Variants in PRICKLE1 observed in about 807,000 individuals in gnomAD.
PRICKLE1 encodes the protein prickle-like protein 1.
In PRICKLE1, 14 loss-of-function variants were observed where a neutral mutation model predicts 70.2. The observed-to-expected ratio is 0.20, with a 90% CI of 0.13 to 0.31. PRICKLE1 has a LOEUF of 0.31. Ranked by LOEUF, PRICKLE1 falls within the 10% of genes least tolerant of loss-of-function variation. The pLI is 1.00. For missense variants in PRICKLE1, 821 were observed against 1,026.2 expected, an observed-to-expected ratio of 0.80 and a Z score of 2.73; for synonymous variants, 357 against 379.9, an observed-to-expected ratio of 0.94 and a Z score of 0.70.
At chr12:42,525,339 T>A (rs1167261572) in intron 1 of PRICKLE1, among the ~76,000 whole-genome samples, 4 of 152,182 alleles carry the variant, frequency 2.6e-5, no homozygotes, top group Non-Finnish European at 4.4e-5. Flanking sequence ...AGTAAGTCAG[T>A]CTTTTCCTGA....
intron 1 of PRICKLE1, among the ~76,000 whole-genome samples, chr12:42,482,432 T>C (rs536342318): frequency 1.3e-5 from 2 of 152,332 alleles, no homozygotes; most frequent in South Asian, 4.1e-4. Context: ...GATGCAGATA[T>C]TTTCTCAAAA....
chr12:42,525,630 T>C (rs2897538), intron 1 of PRICKLE1, among the ~76,000 whole-genome samples: 82,543 of 151,928 alleles, frequency 0.54, 22,898 homozygotes, highest in Admixed American at 0.67. Context: ...GGGAGAAATT[T>C]CCACACACTT....
chr12:42,564,199 T>G (rs1159356292), intron 1 of PRICKLE1, among the ~76,000 whole-genome samples: 2 of 128,986 alleles, frequency 1.6e-5, no homozygotes, highest in African/African-American at 6.0e-5. Context: ...GAGGTTGCAG[T>G]GAGCCAAGAT....
At position 42,464,374 on chromosome 12, in the gene PRICKLE1, C is replaced by T. The variant is rs754863068; in HGVS notation, c.1639+21G>A. On this transcript the variant is annotated intron_variant, in intron 7 of 7. Transcript: ENST00000345127. The surrounding 1 kb of genome is among the most constrained non-coding windows in gnomAD (Gnocchi z 4.2). ...TAGTAGCTCCTTTTTTCAAATACCC[C>T]ATAATCCCTAGATTACGTACCTGTG... 1.2e-6 allele frequency: 2 copies of T among 1,613,984 alleles called. No individual in the cohort carries two copies. Among genetic ancestry groups the T allele is most frequent in the South Asian group, 2.2e-5 (2 of 91,020 alleles).
intron 1 of PRICKLE1, among the ~76,000 whole-genome samples, chr12:42,553,941 A>G (rs1016782337): frequency 6.6e-6 from 1 of 152,122 alleles, no homozygotes; most frequent in Non-Finnish European, 1.5e-5. Flanking sequence ...CATCTCTACT[A>G]AAACATGTAA....
At chr12:42,503,113 AT>A (rs1939344014) in intron 1 of PRICKLE1, among the ~76,000 whole-genome samples, 1 of 152,198 alleles carries the variant, frequency 6.6e-6, no homozygotes, top group Non-Finnish European at 1.5e-5. Flanking sequence ...CAATCTGAAT[AT>A]TTTCACCTAG....
At chr12:42,588,172 G>A (rs530106176) in intron 1 of PRICKLE1, among the ~76,000 whole-genome samples, 4 of 151,862 alleles carry the variant, frequency 2.6e-5, no homozygotes, top group East Asian at 3.9e-4. Flanking sequence ...GCCGGACTAC[G>A]GCAAACATTA....
intron 1 of PRICKLE1, among the ~76,000 whole-genome samples, chr12:42,500,185 G>A (rs1939280533): frequency 6.6e-6 from 1 of 152,160 alleles, no homozygotes; most frequent in Non-Finnish European, 1.5e-5. Context: ...ACAGCACAAA[G>A]GCCAAAACAT....
intron 1 of PRICKLE1, among the ~76,000 whole-genome samples, chr12:42,573,144 G>A (rs895616545): frequency 1.3e-5 from 2 of 152,112 alleles, no homozygotes; most frequent in African/African-American, 2.4e-5. Flanking sequence ...AACATTTAAC[G>A]GCTAAATAAA....
At chr12:42,465,806 T>C (rs927445150) in intron 6 of PRICKLE1, 6 of 337,668 alleles carry the variant, frequency 1.8e-5, no homozygotes, top group Non-Finnish European at 3.4e-5. Context: ...GAGTTCAATA[T>C]TAATGCATCA....
intron 1 of PRICKLE1, among the ~76,000 whole-genome samples, chr12:42,509,347 A>C (rs1203786747): frequency 6.6e-6 from 1 of 152,220 alleles, no homozygotes; most frequent in Non-Finnish European, 1.5e-5. Flanking sequence ...TGAATATAAA[A>C]CATGGAAACT....
At chr12:42,490,963 G>A (rs886133950) in intron 1 of PRICKLE1, among the ~76,000 whole-genome samples, 2 of 151,744 alleles carry the variant, frequency 1.3e-5, no homozygotes, top group African/African-American at 2.4e-5. Context: ...CTCCACCTCC[G>A]GGTTCAGGCA....
At chr12:42,460,712 T>G in intron 7 of PRICKLE1, 47 bp from the exon 8 acceptor site, 3 of 1,594,022 alleles carry the variant, frequency 1.9e-6, no homozygotes, top group Non-Finnish European at 2.6e-6. Flanking sequence ...CATCCTAATA[T>G]TCGACAGTAC....
intron 1 of PRICKLE1, among the ~76,000 whole-genome samples, chr12:42,551,473 G>C (rs1940316367): frequency 6.6e-6 from 1 of 152,202 alleles, no homozygotes; most frequent in Non-Finnish European, 1.5e-5. Flanking sequence ...GCTAGCAGAT[G>C]TGGAGGGTCC....
At chr12:42,564,458 A>C (rs955053633) in intron 1 of PRICKLE1, among the ~76,000 whole-genome samples, 1 of 151,338 alleles carries the variant, frequency 6.6e-6, no homozygotes, top group African/African-American at 2.4e-5. Context: ...AATACAAAAA[A>C]TTGGTCAGGC....
intron 1 of PRICKLE1, among the ~76,000 whole-genome samples, chr12:42,515,870 T>C (rs193058896): frequency 3.0e-4 from 45 of 152,328 alleles, no homozygotes; most frequent in African/African-American, 9.9e-4. Flanking sequence ...TGAATCTACT[T>C]TCAAACACTG....
chr12:42,531,730 T>G (rs1939921561), intron 1 of PRICKLE1, among the ~76,000 whole-genome samples: 1 of 152,248 alleles, frequency 6.6e-6, no homozygotes. Context: ...GAAATGGTGC[T>G]TTTGATTCAC....
chr12:42,574,290 C>T (rs1301422674), intron 1 of PRICKLE1, among the ~76,000 whole-genome samples: 1 of 152,180 alleles, frequency 6.6e-6, no homozygotes, highest in African/African-American at 2.4e-5. Context: ...CACCTCCCAA[C>T]AAAAGCAATC....
intron 1 of PRICKLE1, among the ~76,000 whole-genome samples, chr12:42,545,574 T>A (rs1940192732): frequency 6.6e-6 from 1 of 152,064 alleles, no homozygotes; most frequent in Non-Finnish European, 1.5e-5. Flanking sequence ...TGGGACTGGG[T>A]GCGGTGGCTC....
Sources: gnomAD v4.1 joint callset for allele counts (sites outside exome capture counted in the v4.1 genomes callset) on GRCh38, gnomAD v4.1.1 for gene constraint, Gnocchi (gnomAD v3.1) non-coding constraint, MANE v1.5 for transcripts, NCBI Gene and HGNC (gene_info 2026-07-23, HGNC 2026-07-21) for gene names.